Variants in MAP2 observed in about 807,000 individuals in gnomAD.
MAP2 encodes the protein microtubule associated protein 2, also known as microtubule-associated protein 2.
In MAP2, 14 loss-of-function variants were observed where a neutral mutation model predicts 137.6. The observed-to-expected ratio is 0.10, with a 90% CI of 0.07 to 0.16. MAP2 has a LOEUF of 0.16. Among genes scored for constraint, MAP2 ranks in the 10% least tolerant of loss-of-function variants. The probability of loss-of-function intolerance (pLI) is 1.00; values close to 1 mark genes in which losing one functional copy is unlikely to be tolerated. For missense variants in MAP2, 2,088 were observed against 2,191.5 expected (o/e 0.95, Z 0.94); for synonymous variants, 786 against 782.3 (o/e 1.00, Z -0.08).
At chr2:209,499,918 C>T (rs1348760702) in intron 1 of MAP2, among the ~76,000 whole-genome samples, 1 of 152,068 alleles carries the variant, frequency 6.6e-6, no homozygotes, top group Non-Finnish European at 1.5e-5. Flanking sequence ...CCTCCAGGCC[C>T]CACCTCCAAC....
chr2:209,624,734 A>C (rs1469095782), intron 3 of MAP2, among the ~76,000 whole-genome samples: 5 of 152,198 alleles, frequency 3.3e-5, no homozygotes, highest in African/African-American at 9.6e-5. Context: ...ATTGTCTGCT[A>C]TTTATTAGCT....
rs146922157 is a variant in MAP2, at chr2:209,519,487, A to T, written c.-172+11846A>T. Among the ~76,000 whole-genome samples the T allele has an allele frequency of 1.8e-3, 279 of 152,188 alleles. 2 individuals are homozygous for T. Among genetic ancestry groups the T allele is most frequent in the African/African-American group, 6.3e-3 (264 of 41,576 alleles). On this transcript the variant is annotated intron_variant, in intron 2 of 15. Transcript: ENST00000682079. ...TCCCATAGGAACTGGGAGATAGGGG[A>T]GCTTTCTCCCTTGATGTTTGCATTT...
At chr2:209,613,652 G>C (rs2087866832) in intron 3 of MAP2, among the ~76,000 whole-genome samples, 3 of 152,204 alleles carry the variant, frequency 2.0e-5, no homozygotes, top group Admixed American at 2.0e-4. Flanking sequence ...GAAAGACTCA[G>C]AGTGGGACTT....
chr2:209,617,525 C>A (rs569779727), intron 3 of MAP2, among the ~76,000 whole-genome samples: 1 of 152,220 alleles, frequency 6.6e-6, no homozygotes, highest in South Asian at 2.1e-4. Flanking sequence ...CCAAAGGAGC[C>A]AAAGTCAAGT....
chr2:209,554,029 C>T (rs2069875267), intron 2 of MAP2, among the ~76,000 whole-genome samples: 1 of 152,120 alleles, frequency 6.6e-6, no homozygotes, highest in African/African-American at 2.4e-5. Context: ...GCATATACAC[C>T]GTGGACAAGG....
chr2:209,624,047 T>C (rs1456165458), intron 3 of MAP2, among the ~76,000 whole-genome samples: 1 of 152,182 alleles, frequency 6.6e-6, no homozygotes, highest in East Asian at 1.9e-4. Context: ...ATCAAACTTA[T>C]GTCTGCTCAT....
At chr2:209,481,142 G>A (rs1282230063) in intron 1 of MAP2, among the ~76,000 whole-genome samples, 1 of 152,218 alleles carries the variant, frequency 6.6e-6, no homozygotes, top group Non-Finnish European at 1.5e-5. Context: ...CTGACACAGA[G>A]TGTAGCTTAC....
At chr2:209,593,640 T>A (rs369613896) in intron 3 of MAP2, among the ~76,000 whole-genome samples, 4,726 of 17,292 alleles carry the variant, frequency 0.27, 761 homozygotes, top group Non-Finnish European at 0.34. Context: ...AAAAAATATA[T>A]ATATATATAT....
chr2:209,622,258 A>C (rs1050886663), intron 3 of MAP2, among the ~76,000 whole-genome samples: 1 of 152,190 alleles, frequency 6.6e-6, no homozygotes, highest in African/African-American at 2.4e-5. Flanking sequence ...ATTCTAGTAA[A>C]TTAAAAGTTG....
chr2:209,448,420 C>T (rs1426433022), intron 1 of MAP2, among the ~76,000 whole-genome samples: 1 of 152,110 alleles, frequency 6.6e-6, no homozygotes, highest in African/African-American at 2.4e-5. Context: ...GAACAACATA[C>T]CTGGACTACA....
intron 4 of MAP2, among the ~76,000 whole-genome samples, chr2:209,628,165 G>C (rs2092597997): frequency 1.3e-5 from 2 of 152,078 alleles, no homozygotes; most frequent in African/African-American, 4.8e-5. Flanking sequence ...AGGAGTTTGA[G>C]ACCAGCCTGA....
At position 209,655,690 on chromosome 2, in the gene MAP2, G is replaced by A. The variant is rs538888886; in HGVS notation, c.262+2258G>A. ...ATGGAGACTATAGATATGAGCTGGC[G>A]TAATATTTTGATGTGATTATTTTAA... On this transcript the variant is annotated intron_variant, in intron 5 of 15. Transcript: ENST00000682079. 2.0e-4 allele frequency among the ~76,000 whole-genome samples: 31 copies of A among 152,246 alleles called. No individual in the cohort carries two copies. In the South Asian group the frequency reaches 5.2e-3, roughly 25 times the overall value.
chr2:209,477,413 A>G (rs1038432734), intron 1 of MAP2, among the ~76,000 whole-genome samples: 1 of 152,226 alleles, frequency 6.6e-6, no homozygotes, highest in Non-Finnish European at 1.5e-5. Context: ...AATTAAAAAT[A>G]ATGACAATAA....
At chr2:209,692,504 C>T (rs568435418) in intron 7 of MAP2, 121 bp from the exon 8 acceptor site, 1 of 1,057,734 alleles carries the variant, frequency 9.5e-7, no homozygotes, top group Non-Finnish European at 1.3e-6. Flanking sequence ...AGCATGCTTG[C>T]ATGTTCCATA....
chr2:209,723,689 TA>T, intron 13 of MAP2: 1 of 1,611,446 alleles, frequency 6.2e-7, no homozygotes, highest in Non-Finnish European at 8.5e-7. Context: ...GGCGGAAATG[TA>T]AGTAGAAGCG....
Position 209,710,072 on chromosome 2 carries a change from A to G in MAP2, c.4891A>G (p.Thr1631Ala). ...TCCCAGGACCCCTCACACACCAGGAACCCCCAAGTCTGCCATCTTGGTGCC... is the reference window on the plus strand; with the variant it reads ...TCCCAGGACCCCTCACACACCAGGAGCCCCCAAGTCTGCCATCTTGGTGCC... ...SYPRTPHTPG[T>A]PKSAILVPSE... The change falls in exon 13 of 16, where the codon ACC (threonine) becomes GCC (alanine). Residue 1631 changes from threonine to alanine, a missense_variant. This residue lies in a region of MAP2 where 591 missense variants were observed against 642.6 expected (regional missense o/e 0.92). Coordinates refer to ENST00000682079, the MANE Select transcript of MAP2 (RefSeq NM_001375505.1). 6.2e-7 allele frequency: 1 copy of G among 1,613,650 alleles called. No homozygotes were observed. Among genetic ancestry groups the G allele is most frequent in the South Asian group, 1.1e-5 (1 of 91,048 alleles).
At chr2:209,640,880 C>CTT (rs71043944) in intron 4 of MAP2, among the ~76,000 whole-genome samples, 4,061 of 137,244 alleles carry the variant, frequency 0.03, 90 homozygotes, top group Admixed American at 0.037. Flanking sequence ...ATTATCTATT[C>CTT]TTTTTTTTTT....
intron 3 of MAP2, among the ~76,000 whole-genome samples, chr2:209,582,445 G>A (rs1032543278): frequency 6.6e-6 from 1 of 152,102 alleles, no homozygotes; most frequent in Admixed American, 6.6e-5. Context: ...CCAAACTGCA[G>A]CCTGAGCTTT....
chr2:209,618,129 G>A (rs2090088957), intron 3 of MAP2, among the ~76,000 whole-genome samples: 1 of 152,032 alleles, frequency 6.6e-6, no homozygotes, highest in Non-Finnish European at 1.5e-5. Flanking sequence ...GGAGTGGTTG[G>A]GGAATCGAAG....
Sources: gnomAD v4.1 joint callset for allele counts (sites outside exome capture counted in the v4.1 genomes callset) on GRCh38, gnomAD v4.1.1 for gene constraint, gnomAD v4.1.1 regional missense constraint, MANE v1.5 for transcripts, NCBI Gene and HGNC (gene_info 2026-07-23, HGNC 2026-07-21) for gene names.